The following LRP1B variants were observed in gnomAD, a reference collection of about 807,000 sequenced individuals.
The protein encoded by LRP1B is low-density lipoprotein receptor-related protein 1B.
A neutral mutation model predicts 556.6 loss-of-function variants in LRP1B; 217 were observed. That is an observed-to-expected ratio of 0.39 (90% CI 0.35 to 0.44). LRP1B has a LOEUF of 0.44. Ranked by LOEUF, LRP1B falls within the 20% of genes least tolerant of loss-of-function variation. The pLI is 1.00. For missense variants in LRP1B, 5,053 were observed against 5,620.8 expected (o/e 0.90, Z 3.23); for synonymous variants, 2,047 against 1,865.8 (o/e 1.10, Z -2.50).
intron 7 of LRP1B, among the ~76,000 whole-genome samples, chr2:141,113,718 T>A (rs978940883): frequency 6.7e-6 from 1 of 150,332 alleles, no homozygotes; most frequent in Non-Finnish European, 1.5e-5. Context: ...GGCAGAAAAA[T>A]TATTTTAATG....
At chr2:141,467,237 G>A (rs911135851) in intron 3 of LRP1B, among the ~76,000 whole-genome samples, 2 of 151,312 alleles carry the variant, frequency 1.3e-5, no homozygotes, top group African/African-American at 4.9e-5. Flanking sequence ...CAATTACGTG[G>A]GTAATAGACA....
intron 84 of LRP1B, among the ~76,000 whole-genome samples, chr2:140,280,449 G>T (rs1488848554): frequency 2.6e-5 from 4 of 151,810 alleles, no homozygotes; most frequent in African/African-American, 9.6e-5. Flanking sequence ...TTTATGAACT[G>T]TACAGTTAAT....
chr2:141,138,228 C>CA (rs1249617763), intron 7 of LRP1B, among the ~76,000 whole-genome samples: 1 of 151,844 alleles, frequency 6.6e-6, no homozygotes, highest in Non-Finnish European at 1.5e-5. Flanking sequence ...CCATTACTGA[C>CA]AAAAATTCTC....
In LRP1B at chr2:140,581,543, C is replaced by T. The variant is rs192590597; in HGVS notation, c.7194+17088G>A. ...ATCTGAACTGAGATAAATGTCTTCACGTTTTTTGTCCTTATCTAAATACAA... is the reference window on the plus strand; with the variant it reads ...ATCTGAACTGAGATAAATGTCTTCATGTTTTTTGTCCTTATCTAAATACAA... On this transcript the variant is annotated intron_variant, in intron 43 of 90. Transcript: ENST00000389484. Among the ~76,000 whole-genome samples, 34 of 146,302 alleles carry T rather than the reference C, an allele frequency of 2.3e-4. No homozygotes were observed. The East Asian group carries it at 7.0e-3, about 30-fold the overall frequency.
At chr2:140,336,244 A>T (rs1467991155) in intron 77 of LRP1B, among the ~76,000 whole-genome samples, 3 of 152,086 alleles carry the variant, frequency 2.0e-5, no homozygotes, top group Non-Finnish European at 1.5e-5. Flanking sequence ...CAACATCATG[A>T]CTATGAAATG....
At chr2:142,025,925 C>A (rs543426092) in intron 1 of LRP1B, among the ~76,000 whole-genome samples, 1 of 152,220 alleles carries the variant, frequency 6.6e-6, no homozygotes, top group South Asian at 2.1e-4. Context: ...TACTACCCAG[C>A]ATCTTCCATA....
chr2:141,380,346 G>A (rs1689591667), intron 3 of LRP1B, among the ~76,000 whole-genome samples: 1 of 152,158 alleles, frequency 6.6e-6, no homozygotes, highest in Admixed American at 6.5e-5. Flanking sequence ...GTGCCTGAGA[G>A]TTAATGGACC....
Position 141,990,342 on chromosome 2 carries a change from A to C in LRP1B, c.82+140306T>G, listed in dbSNP as rs539498320. ...AATGTTAAATACTTTAAAATTTAAA[A>C]ATATTAATCATTTATGATATGAAGC... On this transcript the variant is annotated intron_variant, in intron 1 of 90. Transcript: ENST00000389484. Among the ~76,000 whole-genome samples the C allele has an allele frequency of 2.2e-4, 34 of 152,208 alleles. 1 individual carries two copies. The highest frequency in any genetic ancestry group is 7.9e-4 in the African/African-American group (33 of 41,558).
intron 18 of LRP1B, among the ~76,000 whole-genome samples, chr2:140,954,710 T>C (rs1695822098): frequency 6.6e-6 from 1 of 151,944 alleles, no homozygotes; most frequent in Non-Finnish European, 1.5e-5. Context: ...TCTAAGAAAA[T>C]GAGACATTAA....
intron 3 of LRP1B, among the ~76,000 whole-genome samples, chr2:141,358,011 T>C (rs1364476814): frequency 1.3e-5 from 2 of 152,178 alleles, no homozygotes; most frequent in Non-Finnish European, 1.5e-5. Context: ...GACACAATTA[T>C]ATAGAGAATA....
chr2:140,351,034 A>G lies in LRP1B; in HGVS notation c.11655T>C (p.Ser3885=), dbSNP rs1344163588. Residue 3885 remains serine (S), a synonymous_variant, in exon 77 of 91, where the codon TCT becomes TCC. Coordinates refer to ENST00000389484, the MANE Select transcript of LRP1B (RefSeq NM_018557.3). ...TAGCAATGTAGAGAACTTGATCTTC[A>G]GAGCCTGGAGATTATTATAATAAAA... ...ERNNTCIAEG[S]EDQVLYIAND... The G allele has an allele frequency of 9.0e-6, 14 of 1,554,160 alleles. No individual in the cohort carries two copies. The highest frequency in any genetic ancestry group is 1.2e-5 in the Non-Finnish European group (14 of 1,144,356).
intron 7 of LRP1B, among the ~76,000 whole-genome samples, chr2:141,105,966 A>T (rs1700593110): frequency 6.6e-6 from 1 of 152,110 alleles, no homozygotes. Flanking sequence ...AAAAGTTGGG[A>T]GGAAATGGGA....
intron 1 of LRP1B, among the ~76,000 whole-genome samples, chr2:142,084,226 C>T (rs1005985529): frequency 6.6e-6 from 1 of 152,120 alleles, no homozygotes; most frequent in African/African-American, 2.4e-5. Context: ...AGGTGATCCG[C>T]CCACCTTGGC....
intron 2 of LRP1B, among the ~76,000 whole-genome samples, chr2:141,797,216 G>T (rs1695854930): frequency 7.4e-6 from 1 of 135,966 alleles, no homozygotes; most frequent in South Asian, 2.2e-4. Context: ...GAATTCAAGT[G>T]CTCTGCATCA....
chr2:141,488,719 A>G (rs1683209377), intron 2 of LRP1B, among the ~76,000 whole-genome samples: 1 of 151,864 alleles, frequency 6.6e-6, no homozygotes, highest in East Asian at 1.9e-4. Context: ...TCAGCCTGTC[A>G]GTGCTGGGAA....
In LRP1B at chr2:141,148,505, G is replaced by C. The variant is rs562706503; in HGVS notation, c.1013+39916C>G. Among the ~76,000 whole-genome samples the C allele has an allele frequency of 1.2e-4, 18 of 152,282 alleles. 2 individuals carry two copies. In the South Asian group the frequency reaches 3.7e-3, roughly 32 times the overall value. ...ACTGTTTCTTCTGTTCTGGGGCTGG[G>C]AGTGGCAGCATGCTGGTAATCCACT... On this transcript the variant is annotated intron_variant, in intron 7 of 90. Coordinates refer to ENST00000389484, the MANE Select transcript of LRP1B (RefSeq NM_018557.3).
intron 1 of LRP1B, among the ~76,000 whole-genome samples, chr2:141,841,362 C>T (rs922677976): frequency 6.6e-6 from 1 of 152,170 alleles, no homozygotes; most frequent in African/African-American, 2.4e-5. Flanking sequence ...ATTTAGCCCT[C>T]ACCAGATTCT....
intron 1 of LRP1B, among the ~76,000 whole-genome samples, chr2:141,995,434 C>A (rs1250922534): frequency 6.6e-6 from 1 of 152,144 alleles, no homozygotes; most frequent in Non-Finnish European, 1.5e-5. Flanking sequence ...CCGCCTCCCT[C>A]TTTTAGCGGC....
chr2:141,082,659 G>C (rs1451885737), intron 7 of LRP1B, among the ~76,000 whole-genome samples: 1 of 152,202 alleles, frequency 6.6e-6, no homozygotes, highest in Non-Finnish European at 1.5e-5. Context: ...CTCACTGAAG[G>C]CTTTACCATA....
Sources: gnomAD v4.1 joint callset for allele counts (sites outside exome capture counted in the v4.1 genomes callset) on GRCh38, gnomAD v4.1.1 for gene constraint, MANE v1.5 for transcripts, NCBI Gene and HGNC (gene_info 2026-07-23, HGNC 2026-07-21) for gene names.